DSC3: variants seen among roughly 807,000 people sequenced by gnomAD.
DSC3 encodes the protein desmocollin-3.
A neutral mutation model predicts 89.5 loss-of-function variants in DSC3; 97 were observed. The observed-to-expected ratio is 1.08, with a 90% CI of 0.92 to 1.28. The LOEUF is 1.28. Ranked by LOEUF, DSC3 falls within the 50% of genes most tolerant of loss-of-function variation. DSC3 has a pLI of 0.00. For missense variants in DSC3, 1,199 were observed against 1,085.3 expected (o/e 1.10, Z -1.47); for synonymous variants, 436 against 384.1 (o/e 1.14, Z -1.58).
chr18:31,013,153 T>G (rs1290800992), intron 9 of DSC3, among the ~76,000 whole-genome samples: 3 of 152,174 alleles, frequency 2.0e-5, no homozygotes, highest in Middle Eastern at 3.2e-3. Flanking sequence ...AGATGCTAAT[T>G]AATAAACAAT....
intron 4 of DSC3, 23 bp downstream of exon 4, chr18:31,029,486 G>T: frequency 6.2e-7 from 1 of 1,613,344 alleles, no homozygotes; most frequent in South Asian, 1.1e-5. Flanking sequence ...AAGCAACCCT[G>T]ACCAGAAAAG....
chr18:31,009,866 G>A (rs554107881), intron 9 of DSC3, among the ~76,000 whole-genome samples: 2 of 152,250 alleles, frequency 1.3e-5, no homozygotes, highest in Non-Finnish European at 2.9e-5. Context: ...CTTAGCCTAC[G>A]CTATAATCCC....
At chr18:31,040,531 A>C (rs546569897) in intron 1 of DSC3, among the ~76,000 whole-genome samples, 42 of 152,238 alleles carry the variant, frequency 2.8e-4, no homozygotes, top group Non-Finnish European at 4.7e-4. Flanking sequence ...ATTATTAGAA[A>C]CTGTATTTAC....
rs1567956346 is a variant in DSC3 at position 31,018,239 on chromosome 18, C to T, written c.1095G>A (p.Glu365=). 4 of 1,610,572 alleles carry T rather than the reference C, an allele frequency of 2.5e-6. No individual in the cohort carries two copies. The highest frequency in any genetic ancestry group is 3.4e-6 in the Non-Finnish European group (4 of 1,178,522). ...AGATTTCCACATTGAATGCATTTTC[C>T]TCTACAAATGCTTCATACTGAAACA... The part of the protein sequence containing the change: ...FRQNAYEAFV[E]ENAFNVEILR... The change falls in exon 9 of 16, where the codon GAG becomes GAA. Residue 365 remains glutamate, a synonymous_variant. Transcript: ENST00000360428.
intron 1 of DSC3, among the ~76,000 whole-genome samples, chr18:31,035,449 CT>C (rs1295357501): frequency 6.6e-6 from 1 of 151,620 alleles, no homozygotes; most frequent in African/African-American, 2.4e-5. Flanking sequence ...GTCATTTGCC[CT>C]TTAAAAAAAA....
chr18:31,042,129 G>C (rs1986153438), intron 1 of DSC3, among the ~76,000 whole-genome samples: 1 of 152,072 alleles, frequency 6.6e-6, no homozygotes, highest in South Asian at 2.1e-4. Flanking sequence ...ACTCACTAAC[G>C]AACCAATCCG....
At chr18:31,031,215 G>GAAA in intron 2 of DSC3, 43 bp from the exon 3 acceptor site, 7 of 1,307,222 alleles carry the variant, frequency 5.4e-6, no homozygotes, top group African/African-American at 4.6e-5. Flanking sequence ...AAACACATGA[G>GAAA]AAAAAAAAAC....
chr18:31,035,176 C>G (rs1311099364), intron 1 of DSC3, among the ~76,000 whole-genome samples: 1 of 152,056 alleles, frequency 6.6e-6, no homozygotes. Context: ...AATACTTTAA[C>G]TCACGGTAAC....
At chr18:31,008,788 A>C (rs1274434531) in intron 9 of DSC3, among the ~76,000 whole-genome samples, 1 of 152,160 alleles carries the variant, frequency 6.6e-6, no homozygotes, top group Non-Finnish European at 1.5e-5. Context: ...ACTCTTACTA[A>C]GGAAAATTAC....
chr18:31,026,144 T>C lies in DSC3; in HGVS notation c.475-229A>G, dbSNP rs1313594. Among the ~76,000 whole-genome samples the C allele has an allele frequency of 0.5, 76,491 of 151,762 alleles. 20,048 individuals are homozygous for C. The highest frequency in any genetic ancestry group is 0.88 in the East Asian group (4,545 of 5,146). ...AGGAAGAAAACTGACAAAAATTAAA[T>C]GAATAAGCTATGAGGATAAACAGGG... On this transcript the variant is annotated intron_variant, in intron 4 of 15. Transcript: ENST00000360428.
chr18:31,040,986 C>G (rs988637892), intron 1 of DSC3, among the ~76,000 whole-genome samples: 1 of 142,734 alleles, frequency 7.0e-6, no homozygotes, highest in African/African-American at 2.7e-5. Flanking sequence ...TTAACCTAAA[C>G]TCAACGGAAT....
At chr18:31,030,807 G>A (rs1985759922) in intron 3 of DSC3, among the ~76,000 whole-genome samples, 166 bp downstream of exon 3, 1 of 151,932 alleles carries the variant, frequency 6.6e-6, no homozygotes, top group Non-Finnish European at 1.5e-5. Context: ...GTAAGAAAAT[G>A]GAGGGGAAGG....
In DSC3 at chr18:30,996,912, G is replaced by A. The variant is rs267605140; in HGVS notation, c.2372C>T (p.Ser791Phe). The A allele has an allele frequency of 7.4e-6, 12 of 1,614,010 alleles. No individual in the cohort carries two copies. Among genetic ancestry groups the A allele is most frequent in the Non-Finnish European group, 8.5e-6 (10 of 1,180,024 alleles). ...ATGATGATGCCCAGCCCCCCGGCAG[G>A]ATTCCAAGGTCTGGTTTCCTCCTTT... ...MMKGGNQTLE[S>F]CRGAGHHHTL... Residue 791 changes from serine (S) to phenylalanine (F), a missense_variant, in exon 15 of 16, where the codon TCC becomes TTC. Physicochemically the swap from Ser to Phe is radical, Grantham distance 155 (BLOSUM62 -2). Coordinates refer to ENST00000360428, the MANE Select transcript of DSC3 (RefSeq NM_001941.5).
chr18:30,997,243 C>A (rs1984509062), intron 14 of DSC3, among the ~76,000 whole-genome samples, 195 bp from the exon 15 acceptor site: 1 of 152,020 alleles, frequency 6.6e-6, no homozygotes. Flanking sequence ...AACAGAATAC[C>A]TGAGACTGGT....
In DSC3 at chr18:31,032,589, TGCGTGTGCGTGTGC is replaced by T. The variant is rs1412693789; in HGVS notation, c.70-327_70-314del. 7.1e-3 allele frequency among the ~76,000 whole-genome samples: 801 copies of T among 112,652 alleles called. 6 individuals carry two copies. The highest frequency in any genetic ancestry group is 0.028 in the African/African-American group (728 of 26,364). 73.9% of individuals were successfully genotyped at this position (112,652 alleles called of 152,430 possible). A position where few individuals can be genotyped will look rare whatever the true frequency, so the allele number is the denominator to read the frequency against. On this transcript the variant is annotated intron_variant, in intron 1 of 15. Coordinates refer to ENST00000360428, the MANE Select transcript of DSC3 (RefSeq NM_001941.5). ...GTGTGTGTGTGTGTGTGTGTGTGTG[TGCGTGTGCGTGTGC>T]GTGTGCGTGTGTGACTGAGTCTCAC...
rs561003473 is a variant in DSC3, at chr18:30,992,468, T to C, written c.*1707A>G. ...AATAAGGTGAGCCATAGAGAAGAGG[T>C]TGGCTGATCCCTCACCGGACTCAAA... On this transcript the variant is annotated 3_prime_UTR_variant, in exon 16 of 16. Transcript: ENST00000360428. 2.6e-5 allele frequency: 4 copies of C among 152,162 alleles called. No homozygotes were observed. The highest frequency in any genetic ancestry group is 2.1e-4 in the South Asian group (1 of 4,822). 9.4% of individuals were successfully genotyped at this position (152,162 alleles called of 1,614,324 possible). A position where few individuals can be genotyped will look rare whatever the true frequency, so the allele number is the denominator to read the frequency against.
intron 12 of DSC3, among the ~76,000 whole-genome samples, chr18:31,005,195 T>C: frequency 6.6e-6 from 1 of 152,204 alleles, no homozygotes; most frequent in East Asian, 1.9e-4. Flanking sequence ...CCTAGAGGAA[T>C]ATGAATTACC....
intron 14 of DSC3, among the ~76,000 whole-genome samples, chr18:31,000,482 T>C (rs1816580868): frequency 6.6e-6 from 1 of 152,182 alleles, no homozygotes; most frequent in African/African-American, 2.4e-5. Context: ...AAGCCTTGGC[T>C]GGCTCTCCTT....
intron 2 of DSC3, among the ~76,000 whole-genome samples, 199 bp from the exon 3 acceptor site, chr18:31,031,371 AG>A (rs1192250980): frequency 1.3e-5 from 2 of 152,182 alleles, no homozygotes; most frequent in Non-Finnish European, 1.5e-5. Flanking sequence ...ATAATTATTG[AG>A]TGTATATTTC....
Sources: gnomAD v4.1 joint callset for allele counts (sites outside exome capture counted in the v4.1 genomes callset) on GRCh38, gnomAD v4.1.1 for gene constraint, MANE v1.5 for transcripts, NCBI Gene and HGNC (gene_info 2026-07-23, HGNC 2026-07-21) for gene names.